Variants in ZNF586 observed in about 807,000 individuals in gnomAD.
The protein encoded by ZNF586 is zinc finger protein 586.
Under a neutral mutation model 6.7 loss-of-function variants are expected in ZNF586, and 7 were observed. That is an observed-to-expected ratio of 1.04 (90% CI 0.59 to 1.95). The LOEUF is 1.95. ZNF586 is among the 30% of genes most tolerant of loss of function. The pLI, the probability that ZNF586 is intolerant of heterozygous loss-of-function variation, is 0.00. For synonymous variants in ZNF586, 166 were observed against 168.7 expected (o/e 0.98, Z 0.12); for missense variants, 442 against 489.6 (o/e 0.90, Z 0.92).
chr19:57,772,279 T>G (rs1290390233), intron 1 of ZNF586, among the ~76,000 whole-genome samples: 1 of 152,180 alleles, frequency 6.6e-6, no homozygotes, highest in African/African-American at 2.4e-5. Flanking sequence ...ATCAGGAGGT[T>G]TGTTTTGGCC....
At chr19:57,776,472 T>A in intron 1 of ZNF586, 71 bp from the exon 2 acceptor site, 1 of 1,530,556 alleles carries the variant, frequency 6.5e-7, no homozygotes, top group Non-Finnish European at 8.8e-7. Flanking sequence ...AGGGTAGATA[T>A]GTTGGGGAAG....
rs377475710 is a variant in ZNF586 at position 57,779,402 on chromosome 19, G to A, written c.815G>A (p.Arg272His). ...YECVECGKSF[R>H]RSSSLLQHQR... is the part of the protein sequence containing the mutation. ...TGCGTTGAGTGTGGAAAATCATTTC[G>A]CCGAAGCTCTTCACTCTTGCAGCAT... Residue 272 changes from arginine (R) to histidine (H), a missense_variant, in exon 3 of 3, where the codon CGC (arginine) becomes CAC (histidine). Arg to His is a conservative substitution (Grantham distance 29). Coordinates refer to ENST00000396154, the MANE Select transcript of ZNF586 (RefSeq NM_017652.4). 2.7e-5 allele frequency: 44 copies of A among 1,609,510 alleles called. No individual in the cohort carries two copies. The highest frequency in any genetic ancestry group is 5.5e-5 in the African/African-American group (4 of 73,382).
At position 57,776,579 on chromosome 19, in the gene ZNF586, TC is replaced by T. The variant is rs1351430651; in HGVS notation, c.76del (p.Leu26TrpfsTer18). 5.6e-6 allele frequency: 9 copies of T among 1,613,614 alleles called. No homozygotes were observed. Among genetic ancestry groups the T allele is most frequent in the Non-Finnish European group, 7.6e-6 (9 of 1,179,838 alleles). ...CTTTGAAGATGTGGCTGTAAACTTT[TC>T]CCTGGAGGAATGGAGTCTTCTTAAT... ...VTFEDVAVNF[S>X]LEEWSLLNEA... is the part of the protein sequence containing the mutation. On this transcript the variant is annotated frameshift_variant, in exon 2 of 3. Transcript: ENST00000396154. LOFTEE classifies it high-confidence loss of function.
chr19:57,774,786 C>A, intron 1 of ZNF586: 1 of 983,648 alleles, frequency 1.0e-6, no homozygotes, highest in South Asian at 4.7e-5. Flanking sequence ...ATGATGTCAG[C>A]CACATTATGG....
intron 1 of ZNF586, chr19:57,774,724 G>A (rs1013477216): frequency 9.2e-5 from 91 of 984,322 alleles, no homozygotes; most frequent in Non-Finnish European, 1.1e-4. Context: ...GAGAAACATT[G>A]GAATTCTGTG....
chr19:57,774,351 C>T (rs1488282023), intron 1 of ZNF586, among the ~76,000 whole-genome samples: 2 of 151,530 alleles, frequency 1.3e-5, no homozygotes, highest in Admixed American at 6.6e-5. Context: ...GGAGAAACCC[C>T]GTCTCTACTA....
At chr19:57,777,243 A>G (rs542047464) in intron 2 of ZNF586, among the ~76,000 whole-genome samples, 264 of 152,298 alleles carry the variant, frequency 1.7e-3, no homozygotes, top group Middle Eastern at 3.4e-3. Context: ...TGTAATATTT[A>G]GTTTCTTTTC....
At chr19:57,774,609 A>T (rs1339107897) in intron 1 of ZNF586, among the ~76,000 whole-genome samples, 1 of 152,098 alleles carries the variant, frequency 6.6e-6, no homozygotes, top group South Asian at 2.1e-4. Context: ...AATGCAGCAC[A>T]GAAGTGGAAT....
chr19:57,773,705 A>C (rs9749101), intron 1 of ZNF586, among the ~76,000 whole-genome samples: 24,236 of 152,236 alleles, frequency 0.16, 4,865 homozygotes, highest in African/African-American at 0.47. Context: ...ATGCTGACGC[A>C]TAGGAGTAGC....
chr19:57,770,435 TGTTTCTTCAGTACCAG>T (rs1220211480), intron 1 of ZNF586, among the ~76,000 whole-genome samples: 1 of 152,132 alleles, frequency 6.6e-6, no homozygotes, highest in Non-Finnish European at 1.5e-5. Context: ...GAGGCGGAGT[TGTTTCTTCAGTACCAG>T]GCTGAGGGTT....
chr19:57,773,402 C>CTTCT (rs747300585), intron 1 of ZNF586, among the ~76,000 whole-genome samples: 8 of 92,800 alleles, frequency 8.6e-5, no homozygotes, highest in African/African-American at 2.8e-4. Flanking sequence ...TCTTCTTCTT[C>CTTCT]TTTTTTTTTT....
In ZNF586 at chr19:57,775,624, A is replaced by G. The variant is rs549360292; in HGVS notation, c.37-919A>G. 2.6e-3 allele frequency among the ~76,000 whole-genome samples: 307 copies of G among 117,476 alleles called. 3 individuals are homozygous for G. Among genetic ancestry groups the G allele is most frequent in the African/African-American group, 0.011 (270 of 25,062 alleles). The allele number at this position is 117,476 out of a possible 152,430, so 77.1% of individuals were successfully genotyped here. ...TCTTTTTTTTTTTTTTTTTTTTGAG[A>G]CAGGGTCTTGCTCCGTTGCCCAGGC... is the stretch of plus-strand genomic sequence containing the variant. On this transcript the variant is annotated intron_variant, in intron 1 of 2. Transcript: ENST00000396154.
intron 2 of ZNF586, among the ~76,000 whole-genome samples, chr19:57,777,043 A>G (rs2122562485): frequency 6.6e-6 from 1 of 152,268 alleles, no homozygotes; most frequent in African/African-American, 2.4e-5. Context: ...TGATGTGGTC[A>G]TTATGTACAT....
chr19:57,775,514 A>G (rs963467440), intron 1 of ZNF586, among the ~76,000 whole-genome samples: 1 of 151,700 alleles, frequency 6.6e-6, no homozygotes, highest in African/African-American at 2.4e-5. Context: ...AAATAAAAAC[A>G]AGCCAGTTGC....
rs34718874 is a variant in ZNF586, at chr19:57,777,746, CTTTTTTTTTTTTT to C, written c.164-991_164-979del. Among the ~76,000 whole-genome samples the C allele has an allele frequency of 1.1e-4, 6 of 54,486 alleles. No individual in the cohort carries two copies. In the South Asian group the frequency reaches 2.7e-3, roughly 24 times the overall value. The allele number at this position is 54,486 out of a possible 152,430, so 35.7% of individuals were successfully genotyped here. The stretch of plus-strand genomic sequence containing the variant: ...TTGTATTACGAAGTATATACCCATT[CTTTTTTTTTTTTT>C]TTTTTTTTTTTTTGAGATGGAGTTT... On this transcript the variant is annotated intron_variant, in intron 2 of 2. Coordinates refer to ENST00000396154, the MANE Select transcript of ZNF586 (RefSeq NM_017652.4).
rs1275566021 is a variant in ZNF586 at position 57,780,442 on chromosome 19, G to C, written c.*646G>C. ...GACTCTTCTGATAACTTGAAAAAAT[G>C]GACTACCTTTTTCAGGGATCTTTTG... On this transcript the variant is annotated 3_prime_UTR_variant, in exon 3 of 3. Transcript: ENST00000396154. The C allele has an allele frequency of 6.6e-6, 1 of 152,108 alleles. No homozygotes were observed. Among genetic ancestry groups the C allele is most frequent in the African/African-American group, 2.4e-5 (1 of 41,410 alleles). The allele number at this position is 152,108 out of a possible 1,614,324, so 9.4% of individuals were successfully genotyped here.
chr19:57,778,914 T>A lies in ZNF586; in HGVS notation c.327T>A (p.Asp109Glu). ...NKSCLTEPRR[D>E]HKHRNVRTGE... ...CCTGCCTCACTGAACCCAGAAGAGA[T>A]CACAAACACAGGAATGTTCGCACTG... The change falls in exon 3 of 3, where the codon GAT (aspartate) becomes GAA (glutamate). Residue 109 changes from aspartate to glutamate, a missense_variant. By Grantham distance (45) the Asp-to-Glu change is conservative. Coordinates refer to ENST00000396154, the MANE Select transcript of ZNF586 (RefSeq NM_017652.4). The A allele has an allele frequency of 6.2e-7, 1 of 1,614,048 alleles. No homozygotes were observed. The highest frequency in any genetic ancestry group is 1.3e-5 in the African/African-American group (1 of 74,982).
intron 2 of ZNF586, among the ~76,000 whole-genome samples, chr19:57,777,497 C>T (rs1308369293): frequency 6.6e-6 from 1 of 152,088 alleles, no homozygotes; most frequent in East Asian, 1.9e-4. Context: ...CAAATTATGC[C>T]ATAGACCTCT....
At chr19:57,777,168 T>G (rs1487344202) in intron 2 of ZNF586, among the ~76,000 whole-genome samples, 1 of 152,214 alleles carries the variant, frequency 6.6e-6, no homozygotes, top group African/African-American at 2.4e-5. Context: ...GCCCAGGAGT[T>G]TGAGGCCAGC....
Sources: allele counts gnomAD v4.1 joint callset (sites outside exome capture counted in the v4.1 genomes callset), GRCh38; gene constraint gnomAD v4.1.1; transcripts MANE v1.5; gene names NCBI Gene and HGNC (gene_info 2026-07-23, HGNC 2026-07-21).